GREB1: variants seen among roughly 807,000 people sequenced by gnomAD.
The protein encoded by GREB1 is growth regulating estrogen receptor binding 1, also known as protein GREB1.
In GREB1, 106 loss-of-function variants were observed where a neutral mutation model predicts 200.7. That is an observed-to-expected ratio of 0.53 (90% CI 0.45 to 0.62). GREB1 has a LOEUF of 0.62. Among genes scored for constraint, GREB1 ranks in the 20% least tolerant of loss-of-function variants. The pLI is 0.00. For missense variants in GREB1, 2,243 were observed against 2,556.8 expected, an observed-to-expected ratio of 0.88 and a Z score of 2.65; for synonymous variants, 1,132 against 1,092.4, an observed-to-expected ratio of 1.04 and a Z score of -0.72.
chr2:11,519,621 A>G (rs1182302263), intron 1 of GREB1, among the ~76,000 whole-genome samples: 1 of 151,512 alleles, frequency 6.6e-6, no homozygotes, highest in African/African-American at 2.4e-5. Context: ...ACGCCTGGCT[A>G]ATTTTTGTGT....
intron 23 of GREB1, among the ~76,000 whole-genome samples, chr2:11,621,582 A>G (rs1684019246): frequency 6.6e-6 from 1 of 152,200 alleles, no homozygotes; most frequent in African/African-American, 2.4e-5. Flanking sequence ...CATGTAAAAT[A>G]ACCTCCCCTG....
rs1572879731 is a variant in GREB1 at position 11,600,945 on chromosome 2, A to T, written c.2479A>T (p.Thr827Ser). 1 of 1,613,814 alleles carries T rather than the reference A, an allele frequency of 6.2e-7. No individual in the cohort carries two copies. The highest frequency in any genetic ancestry group is 1.3e-5 in the African/African-American group (1 of 74,858). ...CCCGTATGCACTGCAGACACAGCACACCCTCATCAGCCCCTACAACGAGAT... is the reference window on the plus strand; with the variant it reads ...CCCGTATGCACTGCAGACACAGCACTCCCTCATCAGCCCCTACAACGAGAT... Reference protein sequence around the residue: ...SFPYALQTQHTLISPYNEIHW... With the variant: ...SFPYALQTQHSLISPYNEIHW... Residue 827 changes from threonine (T) to serine (S), a missense_variant, in exon 16 of 33, where the codon ACC becomes TCC. This residue lies in a region of GREB1 where 1,178 missense variants were observed against 1,387.4 expected (regional missense o/e 0.85). Coordinates refer to ENST00000381486, the MANE Select transcript of GREB1 (RefSeq NM_014668.4).
upstream of GREB1, among the ~76,000 whole-genome samples, chr2:11,530,000 A>G (rs906385582): frequency 6.6e-6 from 1 of 152,196 alleles, no homozygotes; most frequent in Non-Finnish European, 1.5e-5. Context: ...GCCCAGAGGT[A>G]CTGAAATAGA....
chr2:11,496,294 G>A (rs1672884896), intron 1 of GREB1, among the ~76,000 whole-genome samples: 1 of 152,106 alleles, frequency 6.6e-6, no homozygotes, highest in Non-Finnish European at 1.5e-5. Flanking sequence ...TCAATGATTC[G>A]ATCACCACGG....
chr2:11,581,043 G>A lies in GREB1; in HGVS notation c.901+211G>A, dbSNP rs892100381. 32 of 698,330 alleles carry A rather than the reference G, an allele frequency of 4.6e-5. No individual in the cohort carries two copies. The Admixed American group carries it at 5.7e-4, about 12-fold the overall frequency. 43.3% of individuals were successfully genotyped at this position (698,330 alleles called of 1,614,324 possible). A position where few individuals can be genotyped will look rare whatever the true frequency, so the allele number is the denominator to read the frequency against. Reference sequence around the variant, plus strand: ...CTATGAGTGACACTTGGGAGTTACCGTATGTGCCAAGGAGCAGTGAGACAC... The same window carrying A: ...CTATGAGTGACACTTGGGAGTTACCATATGTGCCAAGGAGCAGTGAGACAC... On this transcript the variant is annotated intron_variant, in intron 7 of 32. Transcript: ENST00000381486.
intron 17 of GREB1, among the ~76,000 whole-genome samples, chr2:11,605,126 G>C (rs1377579184): frequency 7.1e-6 from 1 of 140,586 alleles, no homozygotes; most frequent in Admixed American, 7.3e-5. Context: ...GTCTGGAGCT[G>C]GGCACCAGAG....
chr2:11,576,295 G>A lies in GREB1; in HGVS notation c.455-58G>A, dbSNP rs1276553731. The A allele has an allele frequency of 1.0e-5, 14 of 1,400,800 alleles. No homozygotes were observed. The East Asian group carries it at 1.6e-4, about 16-fold the overall frequency. The allele number at this position is 1,400,800 out of a possible 1,614,324, so 86.8% of individuals were successfully genotyped here. A position where few individuals can be genotyped will look rare whatever the true frequency, so the allele number is the denominator to read the frequency against. On this transcript the variant is annotated intron_variant, in intron 4 of 32. Transcript: ENST00000381486. ...GCATTCCAGCCTAGATGACAAGAACGAGACTTCATCTCAAAAAAAAAAAAA... is the reference window on the plus strand; with the variant it reads ...GCATTCCAGCCTAGATGACAAGAACAAGACTTCATCTCAAAAAAAAAAAAA...
At chr2:11,536,266 G>A (rs1379486859) in intron 1 of GREB1, among the ~76,000 whole-genome samples, 3 of 152,152 alleles carry the variant, frequency 2.0e-5, no homozygotes, top group Non-Finnish European at 2.9e-5. Context: ...GACAGGATAC[G>A]GAGGCACTGC....
chr2:11,626,896 G>A (rs956326807), intron 24 of GREB1, 66 bp from the exon 25 acceptor site: 12 of 1,560,288 alleles, frequency 7.7e-6, no homozygotes, highest in African/African-American at 1.4e-5. Context: ...GTTTCTGTTT[G>A]AGCAGGCAGG....
chr2:11,605,053 G>A (rs1300356994), intron 17 of GREB1, among the ~76,000 whole-genome samples: 1 of 149,942 alleles, frequency 6.7e-6, no homozygotes, highest in Non-Finnish European at 1.5e-5. Flanking sequence ...AGGCTTAAGG[G>A]TGGGCATAGT....
intron 17 of GREB1, among the ~76,000 whole-genome samples, chr2:11,606,448 A>G (rs73175250): frequency 0.08 from 12,195 of 152,044 alleles, 639 homozygotes; most frequent in South Asian, 0.22. Context: ...ATCTTTTCCT[A>G]TGTTTATCTG....
intron 3 of GREB1, among the ~76,000 whole-genome samples, chr2:11,564,018 A>T (rs1677362535): frequency 1.3e-5 from 2 of 152,150 alleles, no homozygotes; most frequent in African/African-American, 4.8e-5. Flanking sequence ...GAGGATTAGT[A>T]CGAGTCAGCC....
chr2:11,583,582 G>A (rs1046962130), intron 7 of GREB1, among the ~76,000 whole-genome samples: 1 of 152,010 alleles, frequency 6.6e-6, no homozygotes, highest in South Asian at 2.1e-4. Context: ...CAGGCTGGTC[G>A]GGTGCATTGG....
chr2:11,591,982 A>T (rs1680772251), intron 10 of GREB1: 1 of 983,748 alleles, frequency 1.0e-6, no homozygotes. Flanking sequence ...TACTAATTCC[A>T]GCAATACATG....
rs1685581951 is a variant in GREB1 at position 11,638,762 on chromosome 2, ACT to A, written c.5642_5643del (p.Ser1881PhefsTer5). 1 of 1,613,424 alleles carries A rather than the reference ACT, an allele frequency of 6.2e-7. No individual in the cohort carries two copies. The highest frequency in any genetic ancestry group is 1.7e-5 in the Admixed American group (1 of 59,954). On this transcript the variant is annotated frameshift_variant, in exon 32 of 33. Transcript: ENST00000381486. LOFTEE classifies it high-confidence loss of function. The stretch of plus-strand genomic sequence containing the variant: ...AGTGGGCTGCTGCTGTACCTCTGTG[ACT>A]CTTTTGTGGGAGCTAGCTTTTTGAA...
Position 11,640,482 on chromosome 2 carries a change from G to C in GREB1, c.*28G>C, listed in dbSNP as rs370744520. Reference sequence around the variant, plus strand: ...AAGACAGCGGCGAGTTTTCTGAAGAGATGAGTGCTCAGAGCCCTCATGCTG... The same window carrying C: ...AAGACAGCGGCGAGTTTTCTGAAGACATGAGTGCTCAGAGCCCTCATGCTG... On this transcript the variant is annotated 3_prime_UTR_variant, in exon 33 of 33. Transcript: ENST00000381486. The surrounding 1 kb of genome is among the most constrained non-coding windows in gnomAD (Gnocchi z 4.6). The C allele has an allele frequency of 1.9e-6, 3 of 1,612,692 alleles. No homozygotes were observed. In the African/African-American group the frequency reaches 4.0e-5, roughly 22 times the overall value.
chr2:11,560,422 C>T (rs568484921), intron 2 of GREB1, among the ~76,000 whole-genome samples: 8 of 152,194 alleles, frequency 5.3e-5, no homozygotes, highest in Middle Eastern at 3.4e-3. Flanking sequence ...AGAAGCGGGC[C>T]GGGCATGGTG....
intron 1 of GREB1, among the ~76,000 whole-genome samples, chr2:11,538,045 A>G (rs1432823752): frequency 6.6e-6 from 1 of 152,158 alleles, no homozygotes; most frequent in African/African-American, 2.4e-5. Flanking sequence ...TGAGTGGCAG[A>G]AGGCACGGGG....
At chr2:11,624,341 C>CTTTTTTT (rs70955810) in intron 23 of GREB1, among the ~76,000 whole-genome samples, 1 of 111,138 alleles carries the variant, frequency 9.0e-6, no homozygotes, top group African/African-American at 3.3e-5. Flanking sequence ...TACACAAATT[C>CTTTTTTT]TTTTTTTTTT....
Sources: allele counts gnomAD v4.1 joint callset (sites outside exome capture counted in the v4.1 genomes callset), GRCh38; gene constraint gnomAD v4.1.1; regional missense constraint gnomAD v4.1.1; non-coding constraint Gnocchi (gnomAD v3.1); transcripts MANE v1.5; gene names NCBI Gene and HGNC (gene_info 2026-07-23, HGNC 2026-07-21).